ARID4B: variants seen among roughly 807,000 people sequenced by gnomAD.
The protein encoded by ARID4B is AT-rich interaction domain 4B, also known as AT-rich interactive domain-containing protein 4B.
In ARID4B, 26 loss-of-function variants were observed where a neutral mutation model predicts 147.5. The ratio of observed to expected loss-of-function variants is 0.18; its 90% CI spans 0.13 to 0.24. The LOEUF is 0.24. Among genes scored for constraint, ARID4B ranks in the 10% least tolerant of loss-of-function variants. The pLI is 1.00. For synonymous variants in ARID4B, 512 were observed against 507.9 expected (o/e 1.01, Z -0.11); for missense variants, 1,179 against 1,511.5 (o/e 0.78, Z 3.65).
At chr1:235,252,479 GATA>G (rs1289469131) in intron 6 of ARID4B, among the ~76,000 whole-genome samples, 1 of 152,044 alleles carries the variant, frequency 6.6e-6, no homozygotes, top group Non-Finnish European at 1.5e-5. Context: ...ACTGCCTAAA[GATA>G]ATAATTAAAG....
intron 2 of ARID4B, among the ~76,000 whole-genome samples, chr1:235,269,754 G>C (rs1670850312): frequency 6.6e-6 from 1 of 152,026 alleles, no homozygotes; most frequent in Non-Finnish European, 1.5e-5. Flanking sequence ...GACATCGAAT[G>C]TTAACAACTG....
chr1:235,249,938 CAAAAAAAAAA>C (rs527488457), intron 6 of ARID4B, among the ~76,000 whole-genome samples: 2 of 92,716 alleles, frequency 2.2e-5, no homozygotes, highest in Non-Finnish European at 4.5e-5. Flanking sequence ...GACTCCATCT[CAAAAAAAAAA>C]AAAAAAAAAT....
chr1:235,206,169 A>G (rs1666295088), intron 17 of ARID4B, among the ~76,000 whole-genome samples: 1 of 152,244 alleles, frequency 6.6e-6, no homozygotes, highest in South Asian at 2.1e-4. Context: ...TGCCAAATGA[A>G]TACTTTTCTA....
rs577014681 is a variant in ARID4B at position 235,259,217 on chromosome 1, G to C, written c.117+1425C>G. Among the ~76,000 whole-genome samples the C allele has an allele frequency of 7.2e-5, 11 of 152,354 alleles. No individual in the cohort carries two copies. In the South Asian group the frequency reaches 2.1e-3, roughly 29 times the overall value. On this transcript the variant is annotated intron_variant, in intron 3 of 23. Transcript: ENST00000264183. ...GTTTTGTTCCTTTCATTTACAGCAA[G>C]AAATGGCAGGACTGCTACATGTCAT...
At chr1:235,224,404 T>C (rs1667693383) in intron 12 of ARID4B, among the ~76,000 whole-genome samples, 1 of 152,216 alleles carries the variant, frequency 6.6e-6, no homozygotes, top group East Asian at 1.9e-4. Flanking sequence ...ATTTCTGGCT[T>C]AATTCCCATT....
rs1336684324 is a variant in ARID4B at position 235,234,059 on chromosome 1, A to T, written c.665+354T>A. Among the ~76,000 whole-genome samples the T allele has an allele frequency of 2.0e-5, 3 of 152,374 alleles. No individual in the cohort carries two copies. The East Asian group carries it at 5.8e-4, about 29-fold the overall frequency. On this transcript the variant is annotated intron_variant, in intron 9 of 23. Coordinates refer to ENST00000264183, the MANE Select transcript of ARID4B (RefSeq NM_016374.6). ...GCACCACTGCACTCCAGCCTGGGTG[A>T]CAGAGTGAGACTCCGTCTCAAAAAA...
At chr1:235,231,533 C>T (rs1481493358) in intron 9 of ARID4B, among the ~76,000 whole-genome samples, 1 of 152,212 alleles carries the variant, frequency 6.6e-6, no homozygotes, top group Non-Finnish European at 1.5e-5. Context: ...GTCATCCAGA[C>T]TGGAGTGCAG....
intron 17 of ARID4B, among the ~76,000 whole-genome samples, chr1:235,206,423 A>G (rs1349423703): frequency 2.6e-5 from 4 of 152,158 alleles, no homozygotes; most frequent in Non-Finnish European, 5.9e-5. Flanking sequence ...AAAATTCAAT[A>G]TCAGAATTGT....
At position 235,276,587 on chromosome 1, in the gene ARID4B, A is replaced by C. The variant is rs1405511457; in HGVS notation, c.7-15835T>G. Among the ~76,000 whole-genome samples, 3 of 152,052 alleles carry C rather than the reference A, an allele frequency of 2.0e-5. No homozygotes were observed. In the South Asian group the frequency reaches 6.2e-4, roughly 32 times the overall value. On this transcript the variant is annotated intron_variant, in intron 2 of 23. Coordinates refer to ENST00000264183, the MANE Select transcript of ARID4B (RefSeq NM_016374.6). ...TGAGGCAGTAGGATTGCTTGAGCCC[A>C]GAAGTTCAAGGCTGTATTGAGCTAT...
chr1:235,177,816 T>G lies in ARID4B; in HGVS notation c.3432A>C (p.Lys1144Asn), dbSNP rs779108418. 4 of 1,608,902 alleles carry G rather than the reference T, an allele frequency of 2.5e-6. No individual in the cohort carries two copies. The highest frequency in any genetic ancestry group is 1.3e-5 in the African/African-American group (1 of 74,800). Residue 1144 changes from lysine (K) to asparagine (N), a missense_variant, in exon 21 of 24, where the codon AAA becomes AAC. Transcript: ENST00000264183. Reference protein sequence around the residue: ...RSHKATVVNNKKKGKGTNSSD... With the variant: ...RSHKATVVNNNKKGKGTNSSD... ...CACACTTACTGCCTTTTCCCTTCTT[T>G]TTGTTGTTTACCACTGTTGCTTTAT... is the stretch of plus-strand genomic sequence containing the variant.
intron 14 of ARID4B, among the ~76,000 whole-genome samples, chr1:235,221,042 C>T (rs977849768): frequency 6.6e-6 from 1 of 152,142 alleles, no homozygotes; most frequent in African/African-American, 2.4e-5. Flanking sequence ...GGACTACAGG[C>T]GTTAGCCACT....
intron 22 of ARID4B, 96 bp downstream of exon 22, chr1:235,175,088 A>G: frequency 2.7e-6 from 3 of 1,111,664 alleles, no homozygotes; most frequent in Non-Finnish European, 4.0e-6. Context: ...GCCTGGTGAC[A>G]GAGCGAGACT....
chr1:235,312,015 C>G (rs950717124), intron 2 of ARID4B, among the ~76,000 whole-genome samples: 8 of 152,114 alleles, frequency 5.3e-5, no homozygotes, highest in African/African-American at 1.9e-4. Flanking sequence ...ATGGGCCAGG[C>G]ATGGTGGCTC....
chr1:235,196,004 T>C (rs761079652), intron 18 of ARID4B, 27 bp downstream of exon 18: 20 of 1,383,696 alleles, frequency 1.4e-5, no homozygotes, highest in Non-Finnish European at 1.9e-5. Context: ...TAAGAGCTAA[T>C]AGTGTGTAGT....
At chr1:235,174,422 G>C (rs1442509356) in intron 22 of ARID4B, among the ~76,000 whole-genome samples, 1 of 152,078 alleles carries the variant, frequency 6.6e-6, no homozygotes, top group Non-Finnish European at 1.5e-5. Flanking sequence ...TTCAAACCGG[G>C]ATCCAAATAA....
rs180920851 is a variant in ARID4B, at chr1:235,283,462, T to C, written c.7-22710A>G. ...TTGAAAGTATATACTAAAATGTTAA[T>C]AGTAGTTACCTCTGTAACGTCTGAA... On this transcript the variant is annotated intron_variant, in intron 2 of 23. Coordinates refer to ENST00000264183, the MANE Select transcript of ARID4B (RefSeq NM_016374.6). Among the ~76,000 whole-genome samples the C allele has an allele frequency of 2.6e-5, 4 of 152,356 alleles. No homozygotes were observed. In the East Asian group the frequency reaches 5.8e-4, roughly 22 times the overall value.
intron 17 of ARID4B, among the ~76,000 whole-genome samples, chr1:235,201,202 C>T (rs950614479): frequency 3.3e-5 from 5 of 151,962 alleles, no homozygotes; most frequent in African/African-American, 1.2e-4. Flanking sequence ...AAGGAAGTGG[C>T]AAAGAGTGAA....
At chr1:235,290,479 T>C (rs1354621935) in intron 2 of ARID4B, among the ~76,000 whole-genome samples, 1 of 152,056 alleles carries the variant, frequency 6.6e-6, no homozygotes, top group Admixed American at 6.6e-5. Context: ...ACCCTACTCT[T>C]AGGAATTAAT....
intron 4 of ARID4B, among the ~76,000 whole-genome samples, chr1:235,256,179 A>AAAAAAAG (rs1669979534): frequency 6.6e-6 from 1 of 151,560 alleles, no homozygotes; most frequent in East Asian, 1.9e-4. Context: ...GCCTCAAAAA[A>AAAAAAAG]AAAAAAAAAA....
Sources: allele counts gnomAD v4.1 joint callset (sites outside exome capture counted in the v4.1 genomes callset), GRCh38; gene constraint gnomAD v4.1.1; transcripts MANE v1.5; gene names NCBI Gene and HGNC (gene_info 2026-07-23, HGNC 2026-07-21).